Variants in YEATS2 observed in about 807,000 individuals in gnomAD.
YEATS2 encodes YEATS domain-containing protein 2.
A neutral mutation model predicts 163.2 loss-of-function variants in YEATS2; 77 were observed. That is an observed-to-expected ratio of 0.47 (90% confidence interval 0.39 to 0.57). YEATS2 has a LOEUF of 0.57. Ranked by LOEUF, YEATS2 falls within the 20% of genes least tolerant of loss-of-function variation. The probability of loss-of-function intolerance (pLI) is 0.00; values close to 1 mark genes in which losing one functional copy is unlikely to be tolerated. For synonymous variants in YEATS2, 631 were observed against 645.1 expected (o/e 0.98, Z 0.33); for missense variants, 1,549 against 1,729.8 (o/e 0.90, Z 1.85).
At chr3:183,774,426 C>T (rs367964028) in intron 17 of YEATS2, among the ~76,000 whole-genome samples, 2 of 152,142 alleles carry the variant, frequency 1.3e-5, no homozygotes, top group Non-Finnish European at 2.9e-5. Context: ...AACCACCCCC[C>T]GCCTCCTGTC....
At chr3:183,776,635 G>A (rs900734632) in intron 18 of YEATS2, among the ~76,000 whole-genome samples, 5 of 152,068 alleles carry the variant, frequency 3.3e-5, no homozygotes, top group Admixed American at 1.3e-4. Context: ...ACTTATCCAG[G>A]ATCTTCCTGC....
At chr3:183,724,570 G>T in intron 6 of YEATS2, 39 bp downstream of exon 6, 4 of 1,491,210 alleles carry the variant, frequency 2.7e-6, no homozygotes, top group Non-Finnish European at 3.7e-6. Context: ...TTGTCCATTT[G>T]TGTTAATATT....
At chr3:183,804,491 A>G (rs1449002208) in intron 27 of YEATS2, among the ~76,000 whole-genome samples, 3 of 152,150 alleles carry the variant, frequency 2.0e-5, no homozygotes, top group African/African-American at 7.2e-5. Context: ...TTTCCTGCAG[A>G]TTGAAGCGGC....
chr3:183,720,404 A>G (rs950592842), intron 4 of YEATS2, among the ~76,000 whole-genome samples: 10 of 151,932 alleles, frequency 6.6e-5, no homozygotes, highest in African/African-American at 2.4e-4. Flanking sequence ...TCTTTTTCCT[A>G]AGTGTTTTCA....
intron 13 of YEATS2, among the ~76,000 whole-genome samples, chr3:183,759,953 C>T (rs1721173279): frequency 6.6e-6 from 1 of 152,212 alleles, no homozygotes; most frequent in Non-Finnish European, 1.5e-5. Flanking sequence ...CTCCCCTGCT[C>T]CCCTTTTTCT....
chr3:183,794,573 T>A (rs1724959404), intron 21 of YEATS2, among the ~76,000 whole-genome samples: 1 of 152,208 alleles, frequency 6.6e-6, no homozygotes, highest in Non-Finnish European at 1.5e-5. Flanking sequence ...TGGGGTTATG[T>A]CCCAGTCAGC....
At chr3:183,713,842 G>A (rs1052187055) in intron 1 of YEATS2, among the ~76,000 whole-genome samples, 3 of 152,152 alleles carry the variant, frequency 2.0e-5, no homozygotes, top group African/African-American at 7.2e-5. Context: ...GTATTGCTCT[G>A]TCGCCCACAC....
At chr3:183,702,833 C>CTCA (rs369429226) in intron 1 of YEATS2, among the ~76,000 whole-genome samples, 5 of 140,346 alleles carry the variant, frequency 3.6e-5, no homozygotes, top group African/African-American at 1.3e-4. Context: ...CTCTCTCTCT[C>CTCA]AAAAAAAAAA....
intron 6 of YEATS2, among the ~76,000 whole-genome samples, chr3:183,727,370 A>G (rs1220914895): frequency 2.6e-5 from 4 of 151,944 alleles, no homozygotes; most frequent in East Asian, 1.9e-4. Flanking sequence ...TTTAGCCCCA[A>G]TTTTCTTGTG....
At chr3:183,711,396 C>A (rs1391438020) in intron 1 of YEATS2, among the ~76,000 whole-genome samples, 1 of 150,740 alleles carries the variant, frequency 6.6e-6, no homozygotes, top group Non-Finnish European at 1.5e-5. Flanking sequence ...TGGCGTGAAC[C>A]CGGGAGGTGG....
chr3:183,767,254 C>A (rs561912067), intron 15 of YEATS2, among the ~76,000 whole-genome samples: 1 of 151,680 alleles, frequency 6.6e-6, no homozygotes. Context: ...GAGACAGCGT[C>A]TAGCTCCGTT....
chr3:183,786,115 G>C lies in YEATS2; in HGVS notation c.2737-10G>C, dbSNP rs907874269. 5 of 1,608,298 alleles carry C rather than the reference G, an allele frequency of 3.1e-6. No homozygotes were observed. Among genetic ancestry groups the C allele is most frequent in the African/African-American group, 2.7e-5 (2 of 74,852 alleles). ...CAACATGATTATTTCTGCCCATCTT[G>C]TTTCTGCAGGCAGCCCATGGAGGAC... On this transcript the variant is annotated splice_polypyrimidine_tract_variant and intron_variant, in intron 19 of 30. Coordinates refer to ENST00000305135, the MANE Select transcript of YEATS2 (RefSeq NM_018023.5).
intron 8 of YEATS2, among the ~76,000 whole-genome samples, chr3:183,744,073 G>A (rs1197111633): frequency 8.1e-6 from 1 of 122,862 alleles, no homozygotes; most frequent in East Asian, 2.4e-4. Flanking sequence ...GTACTGTCCT[G>A]TTACTTAGAG....
chr3:183,807,612 G>A, intron 28 of YEATS2: 2 of 210,706 alleles, frequency 9.5e-6, no homozygotes, highest in Non-Finnish European at 1.9e-5. Context: ...GCATCTGCCA[G>A]TTGCTCAGGG....
In YEATS2 at chr3:183,722,021, ATTCT is replaced by A; in HGVS notation, c.425_428del (p.Ser142TyrfsTer19). On this transcript the variant is annotated frameshift_variant, in exon 5 of 31. Transcript: ENST00000305135. LOFTEE classifies it high-confidence loss of function. ...CCATCAGCCAATCATTCAGAAAGTG[ATTCT>A]TTATCTCAGCACAATGACTTCTTAT... The A allele has an allele frequency of 1.2e-6, 2 of 1,614,158 alleles. No individual in the cohort carries two copies. The highest frequency in any genetic ancestry group is 8.5e-7 in the Non-Finnish European group (1 of 1,180,028).
intron 14 of YEATS2, 25 bp from the exon 15 acceptor site, chr3:183,762,072 T>G: frequency 6.2e-7 from 1 of 1,614,014 alleles, no homozygotes; most frequent in African/African-American, 1.3e-5. Context: ...GGATGTTTAT[T>G]CAGTGTCATT....
chr3:183,788,308 GC>G lies in YEATS2; in HGVS notation c.2913+2009del, dbSNP rs777377900. Among the ~76,000 whole-genome samples, 21 of 151,256 alleles carry G rather than the reference GC, an allele frequency of 1.4e-4. 1 individual carries two copies. Among genetic ancestry groups the G allele is most frequent in the Admixed American group, 5.3e-4 (8 of 15,072 alleles). ...CCCACTCCCTCCCTCCCTGCTGTTGGCCTTCCCACCTTCTGGTAACCACCAT... is the reference window on the plus strand; with the variant it reads ...CCCACTCCCTCCCTCCCTGCTGTTGGCTTCCCACCTTCTGGTAACCACCAT... On this transcript the variant is annotated intron_variant, in intron 20 of 30. Transcript: ENST00000305135.
At chr3:183,748,819 G>C (rs1310236020) in intron 9 of YEATS2, among the ~76,000 whole-genome samples, 1 of 152,046 alleles carries the variant, frequency 6.6e-6, no homozygotes, top group East Asian at 1.9e-4. Context: ...GGCTGGTCTC[G>C]AATTCTTGGC....
intron 21 of YEATS2, among the ~76,000 whole-genome samples, chr3:183,791,984 T>G (rs1724698501): frequency 6.6e-6 from 1 of 152,190 alleles, no homozygotes; most frequent in Non-Finnish European, 1.5e-5. Flanking sequence ...TTGTAATATA[T>G]CAGTGCTTAG....
Sources: gnomAD v4.1 joint callset for allele counts (sites outside exome capture counted in the v4.1 genomes callset) on GRCh38, gnomAD v4.1.1 for gene constraint, MANE v1.5 for transcripts, NCBI Gene and HGNC (gene_info 2026-07-23, HGNC 2026-07-21) for gene names.